The following PCGF3 variants were observed in gnomAD, a reference collection of about 807,000 sequenced individuals.
PCGF3 encodes the protein polycomb group ring finger 3.
PCGF3 carries 7 observed loss-of-function variants against 33.1 expected under a neutral mutation model. The observed-to-expected ratio is 0.21, with a 90% CI of 0.12 to 0.40. The LOEUF (loss-of-function observed/expected upper bound fraction) is 0.40, where lower values mean the gene tolerates loss of function less well. Ranked by LOEUF, PCGF3 falls within the 10% of genes least tolerant of loss-of-function variation. The probability of loss-of-function intolerance (pLI) is 1.00; values close to 1 mark genes in which losing one functional copy is unlikely to be tolerated. For missense variants in PCGF3, 211 were observed against 313.3 expected, an observed-to-expected ratio of 0.67 and a Z score of 2.46; for synonymous variants, 153 against 121.3, an observed-to-expected ratio of 1.26 and a Z score of -1.72.
At chr4:766,355 A>C in exon 11 of PCGF3, 1 of 367,904 alleles carries the variant, frequency 2.7e-6, no homozygotes, top group Non-Finnish European at 4.9e-6. Flanking sequence ...GCTCCAGGCA[A>C]CACGGTTCTG....
At chr4:764,933 A>G (rs780361507) in intron 9 of PCGF3, 51 bp from the exon 10 acceptor site, 4 of 1,262,864 alleles carry the variant, frequency 3.2e-6, no homozygotes, top group Non-Finnish European at 4.6e-6. Flanking sequence ...TGGCCATGTC[A>G]GTGTGGGTTG....
At chr4:724,284 G>T (rs551734598) in intron 1 of PCGF3, among the ~76,000 whole-genome samples, 19 of 152,300 alleles carry the variant, frequency 1.2e-4, no homozygotes, top group Middle Eastern at 3.4e-3. Flanking sequence ...GGCCCCGGAG[G>T]CTTTTCCACA....
intron 7 of PCGF3, 68 bp from the exon 8 acceptor site, chr4:744,532 A>G (rs539210745): frequency 5.3e-5 from 60 of 1,138,368 alleles, no homozygotes; most frequent in Non-Finnish European, 6.9e-5. Context: ...TTTGGAGTAC[A>G]GTGTAGTTTT....
intron 1 of PCGF3, among the ~76,000 whole-genome samples, 165 bp from the exon 2 acceptor site, chr4:730,465 G>A (rs1040287855): frequency 6.6e-6 from 1 of 152,080 alleles, no homozygotes. Flanking sequence ...AGACCAGCCC[G>A]TGTCTCCCGG....
chr4:731,623 G>A (rs1743569371), intron 3 of PCGF3, among the ~76,000 whole-genome samples: 1 of 99,054 alleles, frequency 1.0e-5, no homozygotes, highest in Admixed American at 9.4e-5. Flanking sequence ...GTGGGTGGGC[G>A]TGGTCCTCAG....
At chr4:752,508 G>C (rs532591980) in intron 8 of PCGF3, among the ~76,000 whole-genome samples, 1 of 152,354 alleles carries the variant, frequency 6.6e-6, no homozygotes, top group East Asian at 1.9e-4. Flanking sequence ...GCTGCTTCCA[G>C]AGCCTGGCTT....
At chr4:765,167 C>T (rs1745291693) in intron 10 of PCGF3, 103 bp downstream of exon 10, 4 of 782,292 alleles carry the variant, frequency 5.1e-6, no homozygotes, top group Non-Finnish European at 8.8e-6. Flanking sequence ...GGTGCAGTGG[C>T]TCATGCCTGT....
At chr4:711,906 A>T (rs570572035) in intron 1 of PCGF3, among the ~76,000 whole-genome samples, 3 of 151,728 alleles carry the variant, frequency 2.0e-5, no homozygotes, top group African/African-American at 7.2e-5. Flanking sequence ...GTTTGCAGTG[A>T]TCTGAGATTG....
intron 5 of PCGF3, among the ~76,000 whole-genome samples, chr4:736,343 C>T (rs568839029): frequency 3.3e-5 from 5 of 152,310 alleles, no homozygotes; most frequent in South Asian, 4.1e-4. Context: ...CCACCACACC[C>T]GGCCCTCACA....
chr4:758,070 A>AGGCAGC (rs1396950982), intron 8 of PCGF3, among the ~76,000 whole-genome samples: 1 of 146,262 alleles, frequency 6.8e-6, no homozygotes. Flanking sequence ...CGGGAGGCTG[A>AGGCAGC]GGCAGCGGAA....
intron 8 of PCGF3, among the ~76,000 whole-genome samples, chr4:758,011 C>CA (rs1312947543): frequency 6.6e-6 from 1 of 151,682 alleles, no homozygotes; most frequent in Non-Finnish European, 1.5e-5. Flanking sequence ...TACTAAAATA[C>CA]AAAAAAATTA....
intron 1 of PCGF3, among the ~76,000 whole-genome samples, chr4:711,144 G>A (rs1393814252): frequency 6.6e-6 from 1 of 152,216 alleles, no homozygotes; most frequent in African/African-American, 2.4e-5. Flanking sequence ...TTCCGGTTCT[G>A]GGCTGGAGCT....
At chr4:729,850 C>T (rs1743479404) in intron 1 of PCGF3, among the ~76,000 whole-genome samples, 1 of 152,216 alleles carries the variant, frequency 6.6e-6, no homozygotes, top group Non-Finnish European at 1.5e-5. Flanking sequence ...CACTGTACGT[C>T]ATCCCAGGCC....
chr4:723,154 C>T (rs1362876122), intron 1 of PCGF3, among the ~76,000 whole-genome samples: 5 of 151,906 alleles, frequency 3.3e-5, no homozygotes, highest in South Asian at 2.1e-4. Flanking sequence ...TCGCCGTCCG[C>T]GCCGGGTCCA....
At chr4:739,499 G>A (rs1010817663) in intron 6 of PCGF3, among the ~76,000 whole-genome samples, 1 of 152,298 alleles carries the variant, frequency 6.6e-6, no homozygotes, top group Non-Finnish European at 1.5e-5. Flanking sequence ...GCCTGTTTTT[G>A]TTTATTCCAA....
chr4:766,119 C>T (rs1202518786), exon 11 of PCGF3: 3 of 1,588,296 alleles, frequency 1.9e-6, no homozygotes, highest in Non-Finnish European at 2.6e-6. Context: ...CCCTCGCACC[C>T]TTGGGTGCTC....
intron 6 of PCGF3, among the ~76,000 whole-genome samples, chr4:742,359 A>G (rs1744132624): frequency 6.6e-6 from 1 of 152,206 alleles, no homozygotes; most frequent in Non-Finnish European, 1.5e-5. Context: ...AGGTTGGGGT[A>G]TGCCCAGAGC....
exon 11 of PCGF3, chr4:768,491 A>AGAT (rs1414393866): frequency 6.6e-6 from 1 of 152,004 alleles, no homozygotes; most frequent in African/African-American, 2.4e-5. Flanking sequence ...TTTTTTAAAC[A>AGAT]GATGGAGTTA....
intron 6 of PCGF3, among the ~76,000 whole-genome samples, chr4:741,645 G>C (rs1316139170): frequency 6.6e-6 from 1 of 152,116 alleles, no homozygotes; most frequent in Non-Finnish European, 1.5e-5. Context: ...CTGACCTCAT[G>C]ATCCGCCCGC....
Sources: gnomAD v4.1 joint callset for allele counts (sites outside exome capture counted in the v4.1 genomes callset) on GRCh38, gnomAD v4.1.1 for gene constraint, MANE v1.5 for transcripts, NCBI Gene and HGNC (gene_info 2026-07-23, HGNC 2026-07-21) for gene names.